LIG3: variants seen among roughly 807,000 people sequenced by gnomAD.
LIG3 encodes ligase II, DNA, ATP-dependent.
LIG3 carries 58 observed loss-of-function variants against 110.9 expected under a neutral mutation model. That is an observed-to-expected ratio of 0.52 (90% CI 0.42 to 0.65). The LOEUF is 0.65. LIG3 is among the 30% of genes least tolerant of loss of function. LIG3 has a pLI of 0.00. For synonymous variants in LIG3, 422 were observed against 472.8 expected (o/e 0.89, Z 1.39); for missense variants, 1,094 against 1,273.8 (o/e 0.86, Z 2.15).
intron 7 of LIG3, among the ~76,000 whole-genome samples, 159 bp from the exon 8 acceptor site, chr17:34,992,365 C>T (rs2090731167): frequency 6.6e-6 from 1 of 152,242 alleles, no homozygotes; most frequent in Non-Finnish European, 1.5e-5. Context: ...GCTGAATTTT[C>T]CAAGAGCTTT....
At chr17:34,987,185 A>G (rs1039492864) in intron 3 of LIG3, among the ~76,000 whole-genome samples, 2 of 152,264 alleles carry the variant, frequency 1.3e-5, no homozygotes, top group African/African-American at 4.8e-5. Flanking sequence ...ACAGGGATTC[A>G]GGAAGACTTT....
chr17:34,999,302 C>G lies in LIG3; in HGVS notation c.2114-5C>G. On this transcript the variant is annotated splice_region_variant and splice_polypyrimidine_tract_variant and intron_variant, in intron 14 of 19. Transcript: ENST00000378526. Reference sequence around the variant, plus strand: ...ACCCACACTCATCTCACACTCCCCTCCCAGGCGGCATGATGTCAATCTTCC... The same window carrying G: ...ACCCACACTCATCTCACACTCCCCTGCCAGGCGGCATGATGTCAATCTTCC... 1 of 1,610,878 alleles carries G rather than the reference C, an allele frequency of 6.2e-7. No homozygotes were observed. The highest frequency in any genetic ancestry group is 1.3e-5 in the African/African-American group (1 of 74,998).
downstream of LIG3, chr17:35,009,976 T>C (rs1264062321): frequency 6.5e-6 from 1 of 152,678 alleles, no homozygotes; most frequent in Non-Finnish European, 1.5e-5. Context: ...GATGTCTTCA[T>C]GAGCAAATCT....
intron 19 of LIG3, chr17:35,003,246 G>T (rs931658467): frequency 1.2e-5 from 15 of 1,246,306 alleles, no homozygotes; most frequent in Admixed American, 5.7e-5. Flanking sequence ...CACCTGAGGA[G>T]CCTTTTCCCT....
At chr17:34,995,986 G>C in intron 9 of LIG3, 78 bp from the exon 10 acceptor site, 2 of 1,542,334 alleles carry the variant, frequency 1.3e-6, no homozygotes. Flanking sequence ...GTCTGGGCCC[G>C]GGCTTTGCCC....
chr17:35,001,225 C>T (rs2090837611), intron 16 of LIG3, 32 bp from the exon 17 acceptor site: 2 of 1,606,810 alleles, frequency 1.2e-6, no homozygotes, highest in Non-Finnish European at 1.7e-6. Context: ...ATCTTCTTAA[C>T]CAGTGATGAC....
At chr17:34,996,365 A>T (rs1459997090) in intron 10 of LIG3, 170 bp downstream of exon 10, 9 of 904,054 alleles carry the variant, frequency 1.0e-5, no homozygotes, top group South Asian at 1.8e-5. Flanking sequence ...TCTCCTAAAA[A>T]GGGGCTGGTA....
rs768300099 is a variant in LIG3 at position 34,992,540 on chromosome 17, C to T, written c.1303C>T (p.Pro435Ser). 1 of 1,603,894 alleles carries T rather than the reference C, an allele frequency of 6.2e-7. No individual in the cohort carries two copies. Among genetic ancestry groups the T allele is most frequent in the Non-Finnish European group, 8.5e-7 (1 of 1,175,606 alleles). ...GAKHVLDALD[P>S]NAYEAFKASR... ...CCTTGGCAGGTTAGACGCCCTTGAC[C>T]CCAATGCCTATGAAGCCTTCAAAGC... The change falls in exon 8 of 20, where the codon CCC becomes TCC. Residue 435 changes from proline (P) to serine (S), a missense_variant. By Grantham distance (74) the Pro-to-Ser change is moderately conservative. Coordinates refer to ENST00000378526, the MANE Select transcript of LIG3 (RefSeq NM_013975.4).
intron 1 of LIG3, among the ~76,000 whole-genome samples, chr17:34,982,624 G>T (rs1597787585): frequency 6.7e-6 from 1 of 149,816 alleles, no homozygotes; most frequent in Admixed American, 6.7e-5. Flanking sequence ...TCCAGCCTGG[G>T]CAATTAAAGT....
intron 18 of LIG3, among the ~76,000 whole-genome samples, chr17:35,002,436 C>T (rs2090853179): frequency 6.6e-6 from 1 of 152,212 alleles, no homozygotes; most frequent in African/African-American, 2.4e-5. Context: ...GCCCCTGGTC[C>T]TTCCCATTAC....
chr17:34,991,327 G>A (rs2090718645), intron 5 of LIG3: 2 of 587,698 alleles, frequency 3.4e-6, no homozygotes, highest in African/African-American at 1.9e-5. Context: ...TACAACTGCT[G>A]AACCACAAAG....
chr17:34,986,016 AAAG>A lies in LIG3; in HGVS notation c.582_584del (p.Lys195del), dbSNP rs1246613256. 6.2e-7 allele frequency: 1 copy of A among 1,614,006 alleles called. No homozygotes were observed. The highest frequency in any genetic ancestry group is 2.2e-5 in the East Asian group (1 of 44,886). On this transcript the variant is annotated inframe_deletion, in exon 3 of 20. Transcript: ENST00000378526. ...TGTCTTCTAAGGCAGCAGGTACACC[AAAG>A]AAGAAAGCTGTTGTCCAGGCTAAGT...
chr17:34,984,739 C>T (rs1306685630), intron 2 of LIG3, among the ~76,000 whole-genome samples: 1 of 147,980 alleles, frequency 6.8e-6, no homozygotes, highest in African/African-American at 2.5e-5. Flanking sequence ...GAGTAAAACC[C>T]GGATACTATG....
chr17:34,980,690 G>C, intron 1 of LIG3, 68 bp downstream of exon 1: 1 of 925,042 alleles, frequency 1.1e-6, no homozygotes. Flanking sequence ...GGCCCGGGGC[G>C]AGGAGCTCGG....
intron 11 of LIG3, chr17:34,996,890 C>A (rs1479970607): frequency 1.2e-5 from 6 of 483,894 alleles, no homozygotes; most frequent in South Asian, 6.5e-5. Flanking sequence ...GACTCCATCT[C>A]TTCTCTGAGA....
chr17:34,999,594 A>G, intron 15 of LIG3, 145 bp downstream of exon 15: 2 of 1,191,026 alleles, frequency 1.7e-6, no homozygotes, highest in Non-Finnish European at 2.4e-6. Flanking sequence ...AGGCCTTATA[A>G]TCTCTGAATG....
rs536925891 is a variant in LIG3 at position 35,004,455 on chromosome 17, A to G, written c.2979A>G (p.Pro993=). 2 of 1,614,146 alleles carry G rather than the reference A, an allele frequency of 1.2e-6. No homozygotes were observed. The highest frequency in any genetic ancestry group is 2.2e-5 in the East Asian group (1 of 44,876). Residue 993 remains proline, a synonymous_variant, in exon 20 of 20, where the codon CCA becomes CCG. Coordinates refer to ENST00000378526, the MANE Select transcript of LIG3 (RefSeq NM_013975.4). ...ACCCTGCGGCCCAGCAGGTCTCCCC[A>G]GAGTGGATTTGGGCATGTATCCGGA... ...DKNPAAQQVS[P]EWIWACIRKR...
rs750428650 is a variant in LIG3 at position 34,998,682 on chromosome 17, G to C, written c.2068G>C (p.Ala690Pro). The C allele has an allele frequency of 6.2e-7, 1 of 1,614,176 alleles. No individual in the cohort carries two copies. Among genetic ancestry groups the C allele is most frequent in the South Asian group, 1.1e-5 (1 of 91,074 alleles). ...YLNEGAMADTADLVVLGAFYG... is the reference protein window; with the variant it reads ...YLNEGAMADTPDLVVLGAFYG... ...GAACGAGGGGGCCATGGCCGACACA[G>C]CTGACCTGGTGGTCCTTGGAGCCTT... The change falls in exon 14 of 20, where the codon GCT becomes CCT. Residue 690 changes from alanine to proline, a missense_variant. Physicochemically the swap from Ala to Pro is conservative, Grantham distance 27. Transcript: ENST00000378526.
Position 34,997,845 on chromosome 17 carries a change from T to A in LIG3, c.1911+20T>A. ...GTCACAGTAAGTGAAGACCCTATGCTAGGCAGTGTCCTAGAAGTTTGAAAG... is the reference window on the plus strand; with the variant it reads ...GTCACAGTAAGTGAAGACCCTATGCAAGGCAGTGTCCTAGAAGTTTGAAAG... On this transcript the variant is annotated intron_variant, in intron 12 of 19. Coordinates refer to ENST00000378526, the MANE Select transcript of LIG3 (RefSeq NM_013975.4). 1 of 1,589,582 alleles carries A rather than the reference T, an allele frequency of 6.3e-7. No homozygotes were observed. The highest frequency in any genetic ancestry group is 8.6e-7 in the Non-Finnish European group (1 of 1,157,638).
Sources: gnomAD v4.1 joint callset for allele counts (sites outside exome capture counted in the v4.1 genomes callset) on GRCh38, gnomAD v4.1.1 for gene constraint, MANE v1.5 for transcripts, NCBI Gene and HGNC (gene_info 2026-07-23, HGNC 2026-07-21) for gene names.